CERS3: variants seen among roughly 807,000 people sequenced by gnomAD.
CERS3 encodes LAG1 homolog, ceramide synthase 3.
A neutral mutation model predicts 50.3 loss-of-function variants in CERS3; 33 were observed. The ratio of observed to expected loss-of-function variants is 0.66; its 90% CI spans 0.50 to 0.88. CERS3 has a LOEUF of 0.88. Ranked by LOEUF, CERS3 falls within the 40% of genes least tolerant of loss-of-function variation. The pLI is 0.00. For synonymous variants in CERS3, 176 were observed against 155.2 expected, an observed-to-expected ratio of 1.13 and a Z score of -0.99; for missense variants, 470 against 460.3, an observed-to-expected ratio of 1.02 and a Z score of -0.19.
intron 11 of CERS3, among the ~76,000 whole-genome samples, chr15:100,430,538 G>C (rs1414986607): frequency 6.6e-6 from 1 of 152,104 alleles, no homozygotes; most frequent in Non-Finnish European, 1.5e-5. Context: ...GCTGTGCTTG[G>C]GAATCTGTGG....
intron 1 of CERS3, among the ~76,000 whole-genome samples, chr15:100,537,129 C>T (rs2037093729): frequency 6.6e-6 from 1 of 152,192 alleles, no homozygotes; most frequent in Admixed American, 6.5e-5. Context: ...ACCTAGGACA[C>T]TCAAGAAGGG....
intron 11 of CERS3, among the ~76,000 whole-genome samples, chr15:100,411,899 T>A (rs1471905603): frequency 1.3e-5 from 2 of 152,224 alleles, no homozygotes; most frequent in African/African-American, 4.8e-5. Context: ...TGGCCATTCA[T>A]GTATCTTCTT....
chr15:100,531,247 A>T (rs1428775475), upstream of CERS3, among the ~76,000 whole-genome samples: 1 of 152,248 alleles, frequency 6.6e-6, no homozygotes, highest in South Asian at 2.1e-4. Flanking sequence ...AACTCCTGTT[A>T]ATCAAAAGAA....
intron 11 of CERS3, among the ~76,000 whole-genome samples, chr15:100,405,693 AC>A (rs1343408684): frequency 6.6e-6 from 1 of 152,228 alleles, no homozygotes; most frequent in African/African-American, 2.4e-5. Flanking sequence ...GAACTGGGTT[AC>A]AGGAAAGAGT....
At chr15:100,419,759 G>T (rs1029340139) in intron 11 of CERS3, among the ~76,000 whole-genome samples, 1 of 148,802 alleles carries the variant, frequency 6.7e-6, no homozygotes, top group Non-Finnish European at 1.5e-5. Flanking sequence ...AATCAAACTA[G>T]AACTCAGGAT....
At chr15:100,422,947 G>A (rs1226092356) in intron 11 of CERS3, among the ~76,000 whole-genome samples, 3 of 122,120 alleles carry the variant, frequency 2.5e-5, no homozygotes, top group African/African-American at 6.1e-5. Flanking sequence ...GGGTGGGGGG[G>A]AGGGGGGAGG....
At chr15:100,449,780 G>A (rs1161021718) in intron 11 of CERS3, among the ~76,000 whole-genome samples, 1 of 152,148 alleles carries the variant, frequency 6.6e-6, no homozygotes, top group Admixed American at 6.5e-5. Flanking sequence ...AATGTAAGAA[G>A]CAACTGTTAT....
At chr15:100,526,375 G>C (rs2036790874) in intron 1 of CERS3, among the ~76,000 whole-genome samples, 1 of 152,122 alleles carries the variant, frequency 6.6e-6, no homozygotes, top group Non-Finnish European at 1.5e-5. Context: ...TGAGCGGAGG[G>C]AGCTCCCTTG....
At chr15:100,423,587 T>G (rs575432382) in intron 11 of CERS3, among the ~76,000 whole-genome samples, 1 of 152,098 alleles carries the variant, frequency 6.6e-6, no homozygotes, top group African/African-American at 2.4e-5. Context: ...CAACAGACAC[T>G]AGGTCCTACT....
chr15:100,412,921 G>T (rs982713669), intron 11 of CERS3, among the ~76,000 whole-genome samples: 1 of 152,170 alleles, frequency 6.6e-6, no homozygotes. Flanking sequence ...CAGATGAGAT[G>T]AAAGCTACAG....
intron 1 of CERS3, among the ~76,000 whole-genome samples, chr15:100,522,549 C>T (rs559447942): frequency 3.5e-4 from 53 of 152,306 alleles, no homozygotes; most frequent in African/African-American, 1.2e-3. Context: ...TATGTAAATA[C>T]GATTGTTTTG....
chr15:100,430,082 G>C (rs926521104), intron 11 of CERS3, among the ~76,000 whole-genome samples: 1 of 152,068 alleles, frequency 6.6e-6, no homozygotes, highest in Admixed American at 6.5e-5. Context: ...GGAGGCAGAG[G>C]TGGGCGGATC....
chr15:100,539,634 G>T (rs1368566540), intron 1 of CERS3, among the ~76,000 whole-genome samples: 1 of 152,176 alleles, frequency 6.6e-6, no homozygotes, highest in Non-Finnish European at 1.5e-5. Flanking sequence ...GGAAAGAAGA[G>T]CATGATTCAG....
intron 11 of CERS3, among the ~76,000 whole-genome samples, chr15:100,414,857 C>T (rs1373434753): frequency 1.4e-5 from 2 of 146,412 alleles, no homozygotes; most frequent in South Asian, 2.2e-4. Flanking sequence ...TGGGCAATAC[C>T]ATTCAGGACA....
chr15:100,475,423 T>C (rs887111830), intron 8 of CERS3, among the ~76,000 whole-genome samples: 1 of 152,232 alleles, frequency 6.6e-6, no homozygotes, highest in Non-Finnish European at 1.5e-5. Context: ...TTATGAGGTA[T>C]ATGCCAAGAG....
intron 11 of CERS3, among the ~76,000 whole-genome samples, chr15:100,434,075 C>T (rs1392275585): frequency 6.6e-6 from 1 of 152,230 alleles, no homozygotes. Flanking sequence ...GTTTCCAACC[C>T]ATCTAGATGA....
At chr15:100,460,696 C>T (rs1244115986) in intron 10 of CERS3, among the ~76,000 whole-genome samples, 1 of 152,220 alleles carries the variant, frequency 6.6e-6, no homozygotes, top group Admixed American at 6.5e-5. Flanking sequence ...GCCAGGACAC[C>T]TTCACCTCTG....
At chr15:100,416,679 A>T (rs1278923394) in intron 11 of CERS3, among the ~76,000 whole-genome samples, 2 of 152,090 alleles carry the variant, frequency 1.3e-5, no homozygotes, top group Admixed American at 1.3e-4. Context: ...ATCAGATCTC[A>T]TGAGAACTCA....
chr15:100,497,229 T>C (rs1479477630), intron 3 of CERS3, among the ~76,000 whole-genome samples: 1 of 151,422 alleles, frequency 6.6e-6, no homozygotes, highest in East Asian at 1.9e-4. Flanking sequence ...CATCCATCAC[T>C]CAAGATTGCT....
Sources: allele counts gnomAD v4.1 joint callset (sites outside exome capture counted in the v4.1 genomes callset), GRCh38; gene constraint gnomAD v4.1.1; transcripts MANE v1.5; gene names NCBI Gene and HGNC (gene_info 2026-07-23, HGNC 2026-07-21).